RAD51B: variants seen among roughly 807,000 people sequenced by gnomAD.
The protein encoded by RAD51B is DNA repair protein RAD51 homolog 2.
RAD51B carries 38 observed loss-of-function variants against 42.2 expected under a neutral mutation model. That is an observed-to-expected ratio of 0.90 (90% CI 0.70 to 1.18). The LOEUF is 1.18. Ranked by LOEUF, RAD51B falls within the 50% of genes most tolerant of loss-of-function variation. The pLI is 0.00. For missense variants in RAD51B, 373 were observed against 400.7 expected (o/e 0.93, Z 0.59); for synonymous variants, 154 against 145.2 (o/e 1.06, Z -0.43).
At chr14:68,025,318 G>A (rs2075936134) in intron 7 of RAD51B, among the ~76,000 whole-genome samples, 2 of 151,864 alleles carry the variant, frequency 1.3e-5, no homozygotes, top group Admixed American at 1.3e-4. Flanking sequence ...CGTTTATTAT[G>A]TCTCTGCTAG....
intron 10 of RAD51B, among the ~76,000 whole-genome samples, chr14:68,634,197 GT>G (rs1186498331): frequency 6.6e-6 from 1 of 152,196 alleles, no homozygotes; most frequent in African/African-American, 2.4e-5. Context: ...ACCTCGTAGA[GT>G]TACTGAGGAT....
At chr14:67,945,647 T>G (rs1353548790) in intron 7 of RAD51B, among the ~76,000 whole-genome samples, 1 of 152,068 alleles carries the variant, frequency 6.6e-6, no homozygotes, top group Non-Finnish European at 1.5e-5. Context: ...ATTTTTGTAT[T>G]TTTAGTAGAG....
chr14:67,976,482 TTAAG>T (rs1261622128), intron 7 of RAD51B, among the ~76,000 whole-genome samples: 2 of 151,670 alleles, frequency 1.3e-5, no homozygotes, highest in Non-Finnish European at 2.9e-5. Flanking sequence ...TTATTATACT[TTAAG>T]TTTTAGGATA....
intron 10 of RAD51B, among the ~76,000 whole-genome samples, chr14:68,474,816 G>C (rs1882421302): frequency 6.6e-6 from 1 of 152,226 alleles, no homozygotes; most frequent in Non-Finnish European, 1.5e-5. Flanking sequence ...GTCCCTGAGT[G>C]CAGTTAGATT....
chr14:68,438,508 A>G (rs556026082), intron 9 of RAD51B, among the ~76,000 whole-genome samples: 5 of 152,292 alleles, frequency 3.3e-5, no homozygotes, highest in South Asian at 4.1e-4. Context: ...GGCTGCTTCC[A>G]TTCTTCCATC....
intron 10 of RAD51B, among the ~76,000 whole-genome samples, chr14:68,571,988 A>G (rs2140041455): frequency 6.6e-6 from 1 of 152,282 alleles, no homozygotes; most frequent in East Asian, 1.9e-4. Context: ...ATCATTATCA[A>G]TCTATAAAGC....
intron 7 of RAD51B, among the ~76,000 whole-genome samples, chr14:67,921,493 T>C (rs982621256): frequency 2.0e-5 from 3 of 151,956 alleles, no homozygotes; most frequent in Middle Eastern, 3.2e-3. Context: ...GATGTGAGAC[T>C]TTCCTTTGGC....
intron 9 of RAD51B, among the ~76,000 whole-genome samples, chr14:68,427,773 A>G (rs1355614303): frequency 1.3e-5 from 2 of 152,324 alleles, no homozygotes; most frequent in Admixed American, 1.3e-4. Flanking sequence ...CTTTGCAGCT[A>G]TTGGGATGGA....
At chr14:68,427,896 T>C (rs944517887) in intron 9 of RAD51B, among the ~76,000 whole-genome samples, 9 of 152,240 alleles carry the variant, frequency 5.9e-5, no homozygotes, top group Admixed American at 1.3e-4. Context: ...ACCATTGTGA[T>C]AGTATTAAGA....
intron 7 of RAD51B, among the ~76,000 whole-genome samples, chr14:68,165,270 C>T (rs1363884507): frequency 6.6e-6 from 1 of 152,018 alleles, no homozygotes; most frequent in East Asian, 1.9e-4. Flanking sequence ...ATTCTTTTGT[C>T]CCATTAGTAA....
intron 7 of RAD51B, among the ~76,000 whole-genome samples, chr14:67,944,994 A>T (rs578116153): frequency 6.6e-6 from 1 of 152,264 alleles, no homozygotes; most frequent in Admixed American, 6.5e-5. Context: ...AATCATACCT[A>T]CCTTGAATAT....
intron 7 of RAD51B, among the ~76,000 whole-genome samples, chr14:67,967,879 G>T (rs912670702): frequency 6.6e-6 from 1 of 152,220 alleles, no homozygotes; most frequent in Non-Finnish European, 1.5e-5. Flanking sequence ...GGGACTCTGT[G>T]TGGGGGCTCC....
At chr14:68,655,151 G>GTGTT (rs1491263069) in intron 11 of RAD51B, among the ~76,000 whole-genome samples, 1 of 147,698 alleles carries the variant, frequency 6.8e-6, no homozygotes, top group Non-Finnish European at 1.5e-5. Context: ...GTGTGTGTGT[G>GTGTT]TATGTGTGTG....
In RAD51B at chr14:68,068,777, T is replaced by G. The variant is rs150492295; in HGVS notation, c.756+181573T>G. 1.7e-3 allele frequency among the ~76,000 whole-genome samples: 257 copies of G among 152,250 alleles called. 3 individuals carry two copies. Among genetic ancestry groups the G allele is most frequent in the East Asian group, 0.014 (70 of 5,178 alleles). The stretch of plus-strand genomic sequence containing the variant: ...ATTCCTCCACATACACACCAATACT[T>G]ATTATTGTATATCTTCCATGGTTAC... On this transcript the variant is annotated intron_variant, in intron 7 of 10. Transcript: ENST00000471583.
chr14:68,429,997 A>G (rs965077509), intron 9 of RAD51B, among the ~76,000 whole-genome samples: 2 of 152,114 alleles, frequency 1.3e-5, no homozygotes, highest in African/African-American at 2.4e-5. Context: ...CCGTTTATTA[A>G]ATAGGGAATC....
chr14:68,201,885 G>A (rs1403231797), intron 7 of RAD51B, among the ~76,000 whole-genome samples: 1 of 152,130 alleles, frequency 6.6e-6, no homozygotes, highest in Non-Finnish European at 1.5e-5. Context: ...CATAGAAAAG[G>A]CATGAAGACA....
chr14:67,869,965 C>A (rs1219378003), intron 5 of RAD51B, among the ~76,000 whole-genome samples: 2 of 151,750 alleles, frequency 1.3e-5, no homozygotes, highest in Non-Finnish European at 2.9e-5. Flanking sequence ...CAACCGGTAC[C>A]AGCCGCTGCA....
At chr14:67,930,766 G>A (rs948871857) in intron 7 of RAD51B, among the ~76,000 whole-genome samples, 3 of 151,950 alleles carry the variant, frequency 2.0e-5, no homozygotes, top group African/African-American at 7.3e-5. Flanking sequence ...TCATTAAATA[G>A]GTTTTTGAGC....
At chr14:68,559,305 C>G (rs1363393529) in intron 10 of RAD51B, among the ~76,000 whole-genome samples, 14 of 151,796 alleles carry the variant, frequency 9.2e-5, no homozygotes, top group Admixed American at 9.2e-4. Flanking sequence ...ATAAATACAT[C>G]TAAATATAAT....
Sources: allele counts gnomAD v4.1 joint callset (sites outside exome capture counted in the v4.1 genomes callset), GRCh38; gene constraint gnomAD v4.1.1; transcripts MANE v1.5; gene names NCBI Gene and HGNC (gene_info 2026-07-23, HGNC 2026-07-21).